Variants in DPYD observed in about 807,000 individuals in gnomAD.
DPYD encodes the protein dihydropyrimidine dehydrogenase.
In DPYD, 109 loss-of-function variants were observed where a neutral mutation model predicts 116.2. That is an observed-to-expected ratio of 0.94 (90% CI 0.80 to 1.10). The LOEUF (loss-of-function observed/expected upper bound fraction) is 1.10, where lower values mean the gene tolerates loss of function less well. Among genes scored for constraint, DPYD ranks in the 50% least tolerant of loss-of-function variants. The probability of loss-of-function intolerance (pLI) is 0.00; values close to 1 mark genes in which losing one functional copy is unlikely to be tolerated. For synonymous variants in DPYD, 440 were observed against 432.0 expected (o/e 1.02, Z -0.23); for missense variants, 1,302 against 1,254.5 (o/e 1.04, Z -0.57).
chr1:97,137,001 T>C (rs528112944), intron 20 of DPYD, among the ~76,000 whole-genome samples: 1 of 152,340 alleles, frequency 6.6e-6, no homozygotes, highest in African/African-American at 2.4e-5. Context: ...ATCACTGTGA[T>C]ATTTGCTAAA....
intron 4 of DPYD, among the ~76,000 whole-genome samples, chr1:97,740,034 C>A (rs1299456763): frequency 6.6e-6 from 1 of 152,078 alleles, no homozygotes; most frequent in African/African-American, 2.4e-5. Flanking sequence ...TCAAAGCACA[C>A]TTTCATAGAT....
intron 14 of DPYD, among the ~76,000 whole-genome samples, chr1:97,448,216 A>T (rs1033023337): frequency 6.6e-6 from 1 of 151,466 alleles, no homozygotes; most frequent in Non-Finnish European, 1.5e-5. Flanking sequence ...ATCTCTAGTT[A>T]AAAAAAAATG....
intron 2 of DPYD, among the ~76,000 whole-genome samples, chr1:97,857,682 C>T (rs1266928075): frequency 6.6e-6 from 1 of 152,138 alleles, no homozygotes; most frequent in Non-Finnish European, 1.5e-5. Flanking sequence ...ATATCATTTA[C>T]AAGAAACAGG....
intron 18 of DPYD, among the ~76,000 whole-genome samples, chr1:97,274,818 G>A (rs1423696416): frequency 6.6e-6 from 1 of 152,190 alleles, no homozygotes; most frequent in African/African-American, 2.4e-5. Flanking sequence ...ATCCTAGTGT[G>A]TGGGTCTAGG....
chr1:97,268,539 C>A (rs1165968338), intron 18 of DPYD, among the ~76,000 whole-genome samples: 1 of 152,086 alleles, frequency 6.6e-6, no homozygotes, highest in Non-Finnish European at 1.5e-5. Context: ...CTCCTGTATT[C>A]TATATTCTTG....
intron 21 of DPYD, among the ~76,000 whole-genome samples, chr1:97,089,056 A>C (rs1649718030): frequency 6.6e-6 from 1 of 152,098 alleles, no homozygotes; most frequent in African/African-American, 2.4e-5. Flanking sequence ...TGAAATAATA[A>C]AGCACTCGAT....
intron 4 of DPYD, among the ~76,000 whole-genome samples, chr1:97,731,764 T>G (rs138383007): frequency 1.4e-3 from 213 of 152,104 alleles, no homozygotes; most frequent in African/African-American, 4.7e-3. Context: ...TTATTAATAT[T>G]AAAAAATACC....
At chr1:97,532,949 T>G (rs1309389719) in intron 12 of DPYD, among the ~76,000 whole-genome samples, 1 of 151,894 alleles carries the variant, frequency 6.6e-6, no homozygotes, top group Non-Finnish European at 1.5e-5. Context: ...TTGTTGTTAT[T>G]GTTCATCGAT....
chr1:97,415,125 G>A (rs1326315178), intron 14 of DPYD, among the ~76,000 whole-genome samples: 1 of 151,688 alleles, frequency 6.6e-6, no homozygotes, highest in East Asian at 1.9e-4. Context: ...CAGAACAAAA[G>A]CAAACAAAAC....
At chr1:97,624,098 C>T (rs1656788084) in intron 8 of DPYD, among the ~76,000 whole-genome samples, 1 of 151,928 alleles carries the variant, frequency 6.6e-6, no homozygotes, top group Non-Finnish European at 1.5e-5. Flanking sequence ...CCCAAAAGCA[C>T]AGGCAACAAA....
chr1:97,686,109 C>T (rs1660712111), intron 7 of DPYD, among the ~76,000 whole-genome samples: 1 of 152,106 alleles, frequency 6.6e-6, no homozygotes, highest in Admixed American at 6.5e-5. Context: ...ACCAAAACAG[C>T]ATGGTACTGG....
chr1:97,658,881 C>G (rs1192881455), intron 8 of DPYD, among the ~76,000 whole-genome samples: 1 of 152,204 alleles, frequency 6.6e-6, no homozygotes, highest in Non-Finnish European at 1.5e-5. Context: ...TCCAGAAACA[C>G]TAGAGGTTTA....
chr1:97,769,356 T>C (rs1207786252), intron 3 of DPYD, among the ~76,000 whole-genome samples: 1 of 152,164 alleles, frequency 6.6e-6, no homozygotes, highest in African/African-American at 2.4e-5. Context: ...GAAAAAACAC[T>C]ATTTTTAACA....
At chr1:97,083,906 G>T (rs568456581) in intron 21 of DPYD, among the ~76,000 whole-genome samples, 3 of 152,096 alleles carry the variant, frequency 2.0e-5, no homozygotes, top group Admixed American at 2.0e-4. Context: ...GCCAAGTCTG[G>T]GTTCCAGATG....
intron 18 of DPYD, among the ~76,000 whole-genome samples, chr1:97,292,551 G>A (rs975550743): frequency 2.0e-5 from 3 of 152,266 alleles, no homozygotes; most frequent in African/African-American, 7.2e-5. Context: ...GGGATTATGA[G>A]AACTACAGTT....
intron 16 of DPYD, among the ~76,000 whole-genome samples, chr1:97,353,626 T>G (rs1670259046): frequency 7.0e-6 from 1 of 141,854 alleles, no homozygotes; most frequent in Non-Finnish European, 1.5e-5. Flanking sequence ...AACTGCATTC[T>G]GTTTTTTTTT....
intron 3 of DPYD, among the ~76,000 whole-genome samples, chr1:97,776,305 T>A (rs1447853596): frequency 6.6e-6 from 1 of 152,136 alleles, no homozygotes; most frequent in Non-Finnish European, 1.5e-5. Flanking sequence ...CAGTCTATAT[T>A]TTGCTCCTTT....
intron 18 of DPYD, among the ~76,000 whole-genome samples, chr1:97,288,707 A>G (rs1303372597): frequency 6.9e-6 from 1 of 144,028 alleles, no homozygotes; most frequent in Non-Finnish European, 1.5e-5. Flanking sequence ...GGAAATTTAT[A>G]GCACTAAATG....
intron 18 of DPYD, among the ~76,000 whole-genome samples, chr1:97,285,295 A>C (rs756302833): frequency 5.3e-5 from 8 of 152,244 alleles, no homozygotes; most frequent in Non-Finnish European, 1.2e-4. Context: ...AGAAACGAAG[A>C]GAAATGAAGA....
Sources: allele counts gnomAD v4.1 joint callset (sites outside exome capture counted in the v4.1 genomes callset), GRCh38; gene constraint gnomAD v4.1.1; transcripts MANE v1.5; gene names NCBI Gene and HGNC (gene_info 2026-07-23, HGNC 2026-07-21).